The following MLLT10 variants were observed in gnomAD, a reference collection of about 807,000 sequenced individuals.
The protein encoded by MLLT10 is MLLT10 histone lysine methyltransferase DOT1L cofactor.
Under a neutral mutation model 129.1 loss-of-function variants are expected in MLLT10, and 30 were observed. The ratio of observed to expected loss-of-function variants is 0.23; its 90% CI spans 0.17 to 0.32. The LOEUF is 0.32. MLLT10 is among the 10% of genes least tolerant of loss of function. The pLI, the probability that MLLT10 is intolerant of heterozygous loss-of-function variation, is 1.00. For synonymous variants in MLLT10, 490 were observed against 446.4 expected (o/e 1.10, Z -1.23); for missense variants, 1,119 against 1,268.3 (o/e 0.88, Z 1.79).
At chr10:21,689,565 G>GTATATATATATATATATATATATGTATA (rs2053625105) in intron 13 of MLLT10, among the ~76,000 whole-genome samples, 14 of 113,464 alleles carry the variant, frequency 1.2e-4, no homozygotes, top group South Asian at 5.7e-4. Flanking sequence ...ATATATATAT[G>GTATATATATATATATATATATATGTATA]TATATATATA....
chr10:21,620,046 C>A (rs1013013132), intron 8 of MLLT10, among the ~76,000 whole-genome samples: 4 of 151,674 alleles, frequency 2.6e-5, no homozygotes, highest in Non-Finnish European at 5.9e-5. Flanking sequence ...TCTCCTGCCT[C>A]AGCCTCTTGA....
chr10:21,572,516 A>G lies in MLLT10; in HGVS notation c.241-13778A>G, dbSNP rs116336811. On this transcript the variant is annotated intron_variant, in intron 3 of 22. Transcript: ENST00000307729. ...CAACGATTGAGTCTTAATCATTAGTATAGTATATCTCTCCATTTATTTAGG... is the reference window on the plus strand; with the variant it reads ...CAACGATTGAGTCTTAATCATTAGTGTAGTATATCTCTCCATTTATTTAGG... Among the ~76,000 whole-genome samples, 595 of 152,270 alleles carry G rather than the reference A, an allele frequency of 3.9e-3. 8 individuals carry two copies. The highest frequency in any genetic ancestry group is 0.014 in the African/African-American group (566 of 41,556).
chr10:21,659,369 A>G (rs187239542), intron 9 of MLLT10, among the ~76,000 whole-genome samples: 8 of 152,318 alleles, frequency 5.3e-5, no homozygotes, highest in African/African-American at 9.6e-5. Flanking sequence ...ATGACCATAA[A>G]AAAAGTTACT....
At chr10:21,560,682 A>G (rs2038695970) in intron 3 of MLLT10, among the ~76,000 whole-genome samples, 1 of 152,096 alleles carries the variant, frequency 6.6e-6, no homozygotes, top group Non-Finnish European at 1.5e-5. Flanking sequence ...TTCTGGACTC[A>G]AGCAATTCTC....
At chr10:21,665,883 TACAGGTAGAG>T (rs1225210790) in intron 9 of MLLT10, among the ~76,000 whole-genome samples, 4 of 152,028 alleles carry the variant, frequency 2.6e-5, no homozygotes, top group Admixed American at 2.6e-4. Flanking sequence ...GCAGCTAATC[TACAGGTAGAG>T]ACAGGGTTTT....
At chr10:21,614,706 C>T in intron 6 of MLLT10, 125 bp from the exon 7 acceptor site, 1 of 680,646 alleles carries the variant, frequency 1.5e-6, no homozygotes, top group East Asian at 2.9e-5. Flanking sequence ...TTTATTTTCT[C>T]ATTTTTTTCT....
chr10:21,676,794 A>C (rs1186820230), intron 11 of MLLT10, among the ~76,000 whole-genome samples: 1 of 151,178 alleles, frequency 6.6e-6, no homozygotes, highest in Non-Finnish European at 1.5e-5. Context: ...TAAAGCTATA[A>C]TCATGGAATA....
chr10:21,626,312 G>T, intron 8 of MLLT10: 1 of 1,099,952 alleles, frequency 9.1e-7, no homozygotes, highest in Non-Finnish European at 1.4e-6. Context: ...CTGGTGGCTG[G>T]GCCCGTGAGA....
At chr10:21,641,756 CTG>C (rs2048026514) in intron 8 of MLLT10, among the ~76,000 whole-genome samples, 1 of 152,176 alleles carries the variant, frequency 6.6e-6, no homozygotes, top group Non-Finnish European at 1.5e-5. Flanking sequence ...AGAGGTAAGA[CTG>C]TCTTTCTAGT....
At chr10:21,606,877 A>G (rs1286969428) in intron 5 of MLLT10, among the ~76,000 whole-genome samples, 1 of 152,220 alleles carries the variant, frequency 6.6e-6, no homozygotes, top group East Asian at 1.9e-4. Context: ...TTTTGAAGAA[A>G]GTTTTACTGT....
intron 8 of MLLT10, chr10:21,626,061 T>G: frequency 3.7e-5 from 55 of 1,505,032 alleles, no homozygotes; most frequent in Non-Finnish European, 4.8e-5. Flanking sequence ...AGCAAGGCCT[T>G]GATCTTCACT....
At chr10:21,703,376 T>TGGG (rs987944829) in intron 13 of MLLT10, among the ~76,000 whole-genome samples, 1 of 151,976 alleles carries the variant, frequency 6.6e-6, no homozygotes, top group Non-Finnish European at 1.5e-5. Flanking sequence ...GTTAGTCTGA[T>TGGG]GGGGGGGTCT....
At chr10:21,663,555 G>C (rs1009789388) in intron 9 of MLLT10, among the ~76,000 whole-genome samples, 1 of 150,646 alleles carries the variant, frequency 6.6e-6, no homozygotes, top group Non-Finnish European at 1.5e-5. Flanking sequence ...TTTTGTTTTT[G>C]TTCGTTTGTT....
intron 9 of MLLT10, among the ~76,000 whole-genome samples, chr10:21,653,963 G>A (rs1461550728): frequency 1.3e-5 from 2 of 152,244 alleles, no homozygotes; most frequent in South Asian, 2.1e-4. Context: ...AGATCTGGAA[G>A]AGGAGGTACA....
At chr10:21,593,592 T>C (rs1320525597) in intron 4 of MLLT10, among the ~76,000 whole-genome samples, 1 of 152,070 alleles carries the variant, frequency 6.6e-6, no homozygotes, top group Non-Finnish European at 1.5e-5. Context: ...GTCTTGTCTG[T>C]CATGTGTTTG....
intron 15 of MLLT10, among the ~76,000 whole-genome samples, chr10:21,727,649 C>T (rs1306274467): frequency 6.6e-6 from 1 of 152,220 alleles, no homozygotes; most frequent in Non-Finnish European, 1.5e-5. Flanking sequence ...TGGCCTTCTA[C>T]ACCCACAAAA....
intron 3 of MLLT10, among the ~76,000 whole-genome samples, chr10:21,547,606 C>T (rs1218907387): frequency 1.3e-5 from 2 of 150,388 alleles, no homozygotes; most frequent in East Asian, 3.9e-4. Flanking sequence ...CTGCAACCTC[C>T]GCCTTTCATG....
chr10:21,704,493 G>A (rs187818698), intron 13 of MLLT10, among the ~76,000 whole-genome samples: 14 of 150,462 alleles, frequency 9.3e-5, no homozygotes, highest in South Asian at 8.4e-4. Context: ...ATTTTGTATC[G>A]CACATAGCTT....
intron 5 of MLLT10, among the ~76,000 whole-genome samples, chr10:21,607,490 T>C (rs2044180517): frequency 6.6e-6 from 1 of 152,000 alleles, no homozygotes; most frequent in Non-Finnish European, 1.5e-5. Context: ...TCAGCTAATT[T>C]TGTATTTTTA....
Sources: allele counts gnomAD v4.1 joint callset (sites outside exome capture counted in the v4.1 genomes callset), GRCh38; gene constraint gnomAD v4.1.1; transcripts MANE v1.5; gene names NCBI Gene and HGNC (gene_info 2026-07-23, HGNC 2026-07-21).